KATNIP: variants seen among roughly 807,000 people sequenced by gnomAD.
KATNIP encodes katanin interacting protein, also known as katanin-interacting protein.
KATNIP carries 126 observed loss-of-function variants against 174.0 expected under a neutral mutation model. That is an observed-to-expected ratio of 0.72 (90% confidence interval 0.63 to 0.84). The LOEUF (loss-of-function observed/expected upper bound fraction) is 0.84, where lower values mean the gene tolerates loss of function less well. Ranked by LOEUF, KATNIP falls within the 40% of genes least tolerant of loss-of-function variation. The probability of loss-of-function intolerance (pLI) is 0.00; values close to 1 mark genes in which losing one functional copy is unlikely to be tolerated. For synonymous variants in KATNIP, 810 were observed against 835.7 expected (o/e 0.97, Z 0.53); for missense variants, 1,958 against 2,109.7 (o/e 0.93, Z 1.41).
intron 2 of KATNIP, among the ~76,000 whole-genome samples, chr16:27,618,058 T>G (rs555277376): frequency 1.3e-5 from 2 of 152,288 alleles, no homozygotes; most frequent in South Asian, 4.1e-4. Flanking sequence ...TTTAAACAAC[T>G]GATTTGGGTT....
At chr16:27,608,236 T>A (rs1378517567) in intron 2 of KATNIP, among the ~76,000 whole-genome samples, 1 of 144,456 alleles carries the variant, frequency 6.9e-6, no homozygotes, top group Non-Finnish European at 1.5e-5. Context: ...CTTTTTTTTT[T>A]TTTTTTTTTT....
intron 17 of KATNIP, among the ~76,000 whole-genome samples, chr16:27,753,393 T>C (rs1229767887): frequency 6.6e-6 from 1 of 152,080 alleles, no homozygotes; most frequent in African/African-American, 2.4e-5. Context: ...GTTTTCCAAA[T>C]GACAAAGGTG....
At chr16:27,713,474 C>G (rs2079678105) in intron 13 of KATNIP, among the ~76,000 whole-genome samples, 1 of 151,592 alleles carries the variant, frequency 6.6e-6, no homozygotes, top group South Asian at 2.1e-4. Flanking sequence ...CACAGTGGTT[C>G]ACACCTATAA....
At chr16:27,642,143 A>C (rs2076819804) in intron 5 of KATNIP, among the ~76,000 whole-genome samples, 1 of 152,214 alleles carries the variant, frequency 6.6e-6, no homozygotes, top group Non-Finnish European at 1.5e-5. Context: ...TCCAACAATG[A>C]TAGATTGGAT....
intron 14 of KATNIP, among the ~76,000 whole-genome samples, chr16:27,732,348 C>T (rs1254446147): frequency 6.6e-6 from 1 of 152,186 alleles, no homozygotes; most frequent in Non-Finnish European, 1.5e-5. Flanking sequence ...TGTTCATTGG[C>T]CTTCCTCCCA....
At chr16:27,654,478 C>A (rs944094435) in intron 6 of KATNIP, 3 of 720,144 alleles carry the variant, frequency 4.2e-6, no homozygotes, top group South Asian at 1.5e-5. Flanking sequence ...ACTTTAGGAG[C>A]AAGAGCAGAG....
Position 27,689,083 on chromosome 16 carries a change from G to A in KATNIP, c.940+7553G>A, listed in dbSNP as rs9921758. Among the ~76,000 whole-genome samples, 1,196 of 152,324 alleles carry A rather than the reference G, an allele frequency of 7.9e-3. 15 individuals carry two copies. The highest frequency in any genetic ancestry group is 0.027 in the African/African-American group (1,143 of 41,566). ...GGTGCTGTGAAGATCATAGTGCCAG[G>A]TAGACAAAAGCCACTGCTATCCATT... On this transcript the variant is annotated intron_variant, in intron 8 of 27. Transcript: ENST00000261588.
At chr16:27,676,565 A>T (rs1251760938) in intron 6 of KATNIP, among the ~76,000 whole-genome samples, 2 of 152,136 alleles carry the variant, frequency 1.3e-5, no homozygotes, top group Non-Finnish European at 2.9e-5. Flanking sequence ...TCAAAGCTTT[A>T]TTGATTGCTT....
chr16:27,602,508 A>G (rs972615320), intron 2 of KATNIP, among the ~76,000 whole-genome samples: 1 of 152,036 alleles, frequency 6.6e-6, no homozygotes. Context: ...CTTTTATCCC[A>G]ATACCTTGTA....
chr16:27,723,608 G>A (rs1222188700), intron 14 of KATNIP, among the ~76,000 whole-genome samples: 2 of 152,094 alleles, frequency 1.3e-5, no homozygotes, highest in Admixed American at 6.5e-5. Flanking sequence ...CCTAGTGAAA[G>A]GAGAAATACG....
intron 14 of KATNIP, among the ~76,000 whole-genome samples, chr16:27,724,192 C>A (rs181115038): frequency 6.6e-6 from 1 of 152,152 alleles, no homozygotes; most frequent in African/African-American, 2.4e-5. Context: ...CAGCCCCAGC[C>A]CACATAGCCA....
At chr16:27,754,003 A>G (rs1858500988) in intron 17 of KATNIP, among the ~76,000 whole-genome samples, 170 bp from the exon 18 acceptor site, 2 of 152,208 alleles carry the variant, frequency 1.3e-5, no homozygotes, top group Admixed American at 6.5e-5. Flanking sequence ...GGGTCCGCCC[A>G]TATCACTGGT....
chr16:27,760,482 G>A (rs1682237172), intron 18 of KATNIP, among the ~76,000 whole-genome samples: 2 of 152,206 alleles, frequency 1.3e-5, no homozygotes, highest in Non-Finnish European at 2.9e-5. Context: ...GATCGAGAGA[G>A]GATGGGAGCA....
chr16:27,769,537 C>T (rs1188106435), intron 20 of KATNIP, among the ~76,000 whole-genome samples: 1 of 152,224 alleles, frequency 6.6e-6, no homozygotes, highest in Non-Finnish European at 1.5e-5. Context: ...ATGGAAGCGC[C>T]TGAGTCCATG....
chr16:27,640,677 A>ATTT (rs11320678), intron 5 of KATNIP, among the ~76,000 whole-genome samples: 6 of 122,076 alleles, frequency 4.9e-5, no homozygotes, highest in African/African-American at 1.5e-4. Flanking sequence ...TTGGTTTTTA[A>ATTT]TTTTTTTTTT....
intron 2 of KATNIP, among the ~76,000 whole-genome samples, chr16:27,582,304 G>A (rs756429127): frequency 6.6e-6 from 1 of 152,088 alleles, no homozygotes; most frequent in Non-Finnish European, 1.5e-5. Flanking sequence ...CAAAAGAAAA[G>A]GCAAGTTGGT....
At chr16:27,745,218 C>G (rs1253139996) in intron 15 of KATNIP, among the ~76,000 whole-genome samples, 1 of 152,192 alleles carries the variant, frequency 6.6e-6, no homozygotes, top group Non-Finnish European at 1.5e-5. Context: ...ATCACCTTGA[C>G]CCCAAAGGTA....
intron 3 of KATNIP, among the ~76,000 whole-genome samples, chr16:27,626,064 A>C (rs1234179054): frequency 6.6e-6 from 1 of 151,890 alleles, no homozygotes; most frequent in African/African-American, 2.4e-5. Context: ...TGCCCAGGCT[A>C]ATCTCAGAAC....
At position 27,672,137 on chromosome 16, in the gene KATNIP, T is replaced by C. The variant is rs551603321; in HGVS notation, c.541-5592T>C. Among the ~76,000 whole-genome samples the C allele has an allele frequency of 5.9e-5, 9 of 152,230 alleles. No individual in the cohort carries two copies. The South Asian group carries it at 1.5e-3, about 25-fold the overall frequency. ...CCTAGCACCCTTCAGCAGCTTCTCA[T>C]AGGGCATAGAACAAAATCCACACTC... On this transcript the variant is annotated intron_variant, in intron 6 of 27. Transcript: ENST00000261588.
Sources: allele counts gnomAD v4.1 joint callset (sites outside exome capture counted in the v4.1 genomes callset), GRCh38; gene constraint gnomAD v4.1.1; transcripts MANE v1.5; gene names NCBI Gene and HGNC (gene_info 2026-07-23, HGNC 2026-07-21).